Variants in CHIC1 observed in about 807,000 individuals in gnomAD.
The protein encoded by CHIC1 is cysteine-rich hydrophobic domain-containing protein 1.
Under a neutral mutation model 18.5 loss-of-function variants are expected in CHIC1, and 7 were observed. The ratio of observed to expected loss-of-function variants is 0.38; its 90% CI spans 0.22 to 0.71. The LOEUF (loss-of-function observed/expected upper bound fraction) is 0.71. Ranked by LOEUF, CHIC1 falls within the 30% of genes least tolerant of loss-of-function variation. The pLI is 0.49. For synonymous variants in CHIC1, 77 were observed against 73.5 expected (o/e 1.05, Z -0.25); for missense variants, 159 against 176.9 (o/e 0.90, Z 0.57).
chrX:73,645,516 C>T (rs1006652980), intron 3 of CHIC1, among the ~76,000 whole-genome samples: 3 of 112,172 alleles, frequency 2.7e-5, no homozygotes, highest in African/African-American at 9.7e-5. Context: ...TATTAATTTA[C>T]ATTTCTGTCA....
chrX:73,606,709 G>T (rs1312053510), intron 3 of CHIC1, among the ~76,000 whole-genome samples: 2 of 108,690 alleles, frequency 1.8e-5, no homozygotes, highest in Non-Finnish European at 3.8e-5. Flanking sequence ...ATTCCTTTCT[G>T]TTTGTTAGTT....
chrX:73,626,677 C>T (rs929641997), intron 3 of CHIC1, among the ~76,000 whole-genome samples: 4 of 110,383 alleles, frequency 3.6e-5, no homozygotes, highest in African/African-American at 1.3e-4. Context: ...TAAATTTATC[C>T]GATAGAATTC....
chrX:73,654,307 C>A (rs1184620817), intron 3 of CHIC1, among the ~76,000 whole-genome samples: 1 of 111,967 alleles, frequency 8.9e-6, no homozygotes, highest in Non-Finnish European at 1.9e-5. Flanking sequence ...TATTTTTACT[C>A]TTTTATTCTG....
intron 3 of CHIC1, among the ~76,000 whole-genome samples, chrX:73,614,632 C>A (rs989414330): frequency 1.3e-4 from 14 of 109,315 alleles, no homozygotes; most frequent in African/African-American, 4.6e-4. Flanking sequence ...GAAATTATTT[C>A]TTCTGCTTGA....
intron 3 of CHIC1, among the ~76,000 whole-genome samples, chrX:73,664,443 A>G (rs994003052): frequency 1.8e-5 from 2 of 110,453 alleles, no homozygotes; most frequent in African/African-American, 6.6e-5. Context: ...ACCAGTTGAC[A>G]TGCTCGTATA....
At chrX:73,604,097 A>G (rs1336938563) in intron 3 of CHIC1, among the ~76,000 whole-genome samples, 1 of 106,701 alleles carries the variant, frequency 9.4e-6, no homozygotes, top group African/African-American at 3.7e-5. Context: ...TCCTGTTTGT[A>G]CCTCTGGTAG....
chrX:73,588,423 T>C (rs185582118), intron 3 of CHIC1, among the ~76,000 whole-genome samples: 72 of 111,368 alleles, frequency 6.5e-4, no homozygotes, highest in Admixed American at 3.6e-3. Flanking sequence ...GACATAAAAT[T>C]TGCATTTTTA....
chrX:73,592,423 G>A (rs1371643486), intron 3 of CHIC1, among the ~76,000 whole-genome samples: 1 of 111,607 alleles, frequency 9.0e-6, no homozygotes, highest in African/African-American at 3.3e-5. Flanking sequence ...AAGTGAAATT[G>A]GGTTTTATCA....
At chrX:73,668,454 G>C (rs886616046) in intron 3 of CHIC1, among the ~76,000 whole-genome samples, 1 of 111,939 alleles carries the variant, frequency 8.9e-6, no homozygotes, top group African/African-American at 3.2e-5. Flanking sequence ...GGATTTTTTA[G>C]TTTTTAGCAT....
chrX:73,671,909 A>G (rs952558763), intron 3 of CHIC1, among the ~76,000 whole-genome samples: 2 of 109,786 alleles, frequency 1.8e-5, no homozygotes, highest in African/African-American at 6.6e-5. Context: ...TCCTAATGCT[A>G]TCCCTCCCCG....
At chrX:73,619,231 T>C (rs983086785) in intron 3 of CHIC1, among the ~76,000 whole-genome samples, 1 of 111,163 alleles carries the variant, frequency 9.0e-6, no homozygotes, top group African/African-American at 3.3e-5. Context: ...TGTATATTCA[T>C]GCAGTAGTCC....
chrX:73,681,548 T>A lies in CHIC1; in HGVS notation c.*543T>A, dbSNP rs1475992301. Reference sequence around the variant, plus strand: ...ATGTTAGTGGATAAAATATTTAAACTCCTAAAGACTTGTAAATATTGCCTC... The same window carrying A: ...ATGTTAGTGGATAAAATATTTAAACACCTAAAGACTTGTAAATATTGCCTC... On this transcript the variant is annotated 3_prime_UTR_variant, in exon 6 of 6. Coordinates refer to ENST00000373502, the MANE Select transcript of CHIC1 (RefSeq NM_001039840.4). 5.3e-5 allele frequency: 6 copies of A among 112,452 alleles called. No individual in the cohort carries two copies. The Admixed American group carries it at 5.7e-4, about 11-fold the overall frequency. 9.3% of individuals were successfully genotyped at this position (112,452 alleles called of 1,213,427 possible). A position where few individuals can be genotyped will look rare whatever the true frequency, so the allele number is the denominator to read the frequency against.
At chrX:73,572,624 T>G (rs1440567304) in intron 1 of CHIC1, among the ~76,000 whole-genome samples, 2 of 111,452 alleles carry the variant, frequency 1.8e-5, no homozygotes, top group Middle Eastern at 4.6e-3. Context: ...CGCCAACATC[T>G]GTTATTTTTT....
chrX:73,648,967 CA>C (rs1437802454), intron 3 of CHIC1, among the ~76,000 whole-genome samples: 1 of 111,787 alleles, frequency 8.9e-6, no homozygotes, highest in Non-Finnish European at 1.9e-5. Context: ...AGTTAACCTA[CA>C]AAGGGAAGAC....
In CHIC1 at chrX:73,683,928, A is replaced by G. The variant is rs1266164433; in HGVS notation, c.*2923A>G. ...CACTCTTTGTTCCCTCCTAATGCTA[A>G]TTTAGGAAAGAGACCACTGTAGTAA... On this transcript the variant is annotated 3_prime_UTR_variant, in exon 6 of 6. Transcript: ENST00000373502. 8.9e-6 allele frequency: 1 copy of G among 111,802 alleles called. No individual in the cohort carries two copies. The highest frequency in any genetic ancestry group is 3.2e-5 in the African/African-American group (1 of 30,804). The allele number at this position is 111,802 out of a possible 1,213,427, so 9.2% of individuals were successfully genotyped here.
chrX:73,655,933 G>A (rs2057946810), intron 3 of CHIC1, among the ~76,000 whole-genome samples: 1 of 110,985 alleles, frequency 9.0e-6, no homozygotes, highest in African/African-American at 3.3e-5. Flanking sequence ...CACCAATGGT[G>A]TAAAAGCATT....
intron 5 of CHIC1, among the ~76,000 whole-genome samples, chrX:73,680,477 C>T (rs963888377): frequency 2.3e-4 from 26 of 111,290 alleles, no homozygotes; most frequent in African/African-American, 8.5e-4. Context: ...ATGTTTTACT[C>T]AATCCATTTG....
At chrX:73,626,335 ATCTTTCTCC>A (rs1204587036) in intron 3 of CHIC1, among the ~76,000 whole-genome samples, 2 of 111,040 alleles carry the variant, frequency 1.8e-5, no homozygotes, top group Admixed American at 1.9e-4. Flanking sequence ...GGATATTGGT[ATCTTTCTCC>A]AAGTTTGGGG....
chrX:73,576,265 A>G (rs1213858339), intron 1 of CHIC1, among the ~76,000 whole-genome samples: 1 of 110,804 alleles, frequency 9.0e-6, no homozygotes, highest in African/African-American at 3.2e-5. Flanking sequence ...ATAAGCCAGT[A>G]ACGGTCATTT....
Sources: allele counts gnomAD v4.1 joint callset (sites outside exome capture counted in the v4.1 genomes callset), GRCh38; gene constraint gnomAD v4.1.1; transcripts MANE v1.5; gene names NCBI Gene and HGNC (gene_info 2026-07-23, HGNC 2026-07-21).